ERBB4: variants seen among roughly 807,000 people sequenced by gnomAD.
The protein encoded by ERBB4 is erb-b2 receptor tyrosine kinase 4.
Under a neutral mutation model 158.0 loss-of-function variants are expected in ERBB4, and 42 were observed. The observed-to-expected ratio is 0.27, with a 90% CI of 0.21 to 0.34. The LOEUF (loss-of-function observed/expected upper bound fraction) is 0.34, where lower values mean the gene tolerates loss of function less well. ERBB4 is among the 10% of genes least tolerant of loss of function. The probability of loss-of-function intolerance (pLI) is 1.00; values close to 1 mark genes in which losing one functional copy is unlikely to be tolerated. For missense variants in ERBB4, 1,333 were observed against 1,624.1 expected, an observed-to-expected ratio of 0.82 and a Z score of 3.08; for synonymous variants, 583 against 558.7, an observed-to-expected ratio of 1.04 and a Z score of -0.61.
intron 1 of ERBB4, among the ~76,000 whole-genome samples, chr2:212,256,945 G>T (rs921814458): frequency 9.2e-5 from 14 of 152,080 alleles, no homozygotes; most frequent in South Asian, 2.1e-4. Context: ...AGATTTAGGG[G>T]GTGCATGTGC....
chr2:212,379,456 A>C (rs947495738), intron 1 of ERBB4, among the ~76,000 whole-genome samples: 2 of 151,682 alleles, frequency 1.3e-5, no homozygotes, highest in African/African-American at 4.8e-5. Context: ...ACGAAAAGTT[A>C]TCAATAAAAA....
chr2:212,460,126 G>A (rs1688497398), intron 1 of ERBB4, among the ~76,000 whole-genome samples: 1 of 152,158 alleles, frequency 6.6e-6, no homozygotes, highest in Non-Finnish European at 1.5e-5. Context: ...CATAAGACAT[G>A]ACTTGCTCTT....
At chr2:212,025,474 G>A (rs1409918920) in intron 2 of ERBB4, among the ~76,000 whole-genome samples, 1 of 151,760 alleles carries the variant, frequency 6.6e-6, no homozygotes, top group Non-Finnish European at 1.5e-5. Context: ...TTTTTAAAAT[G>A]CTGATCCTCA....
At chr2:212,454,639 T>A (rs1688186413) in intron 1 of ERBB4, among the ~76,000 whole-genome samples, 1 of 152,218 alleles carries the variant, frequency 6.6e-6, no homozygotes, top group Non-Finnish European at 1.5e-5. Flanking sequence ...AACTCTTCAT[T>A]AATCAAAATT....
At chr2:211,666,787 G>T (rs1402558133) in intron 14 of ERBB4, among the ~76,000 whole-genome samples, 1 of 152,018 alleles carries the variant, frequency 6.6e-6, no homozygotes, top group Non-Finnish European at 1.5e-5. Flanking sequence ...CTAAAATCTG[G>T]CTATGTCCAT....
chr2:212,034,479 T>C (rs1263486208), intron 2 of ERBB4, among the ~76,000 whole-genome samples: 1 of 152,078 alleles, frequency 6.6e-6, no homozygotes, highest in Non-Finnish European at 1.5e-5. Flanking sequence ...AACTATCCTT[T>C]AGACATAATA....
At chr2:211,810,295 A>C (rs1454766023) in intron 3 of ERBB4, among the ~76,000 whole-genome samples, 1 of 152,104 alleles carries the variant, frequency 6.6e-6, no homozygotes, top group African/African-American at 2.4e-5. Context: ...TGGGGTGTTA[A>C]AGTCTCCCAT....
intron 1 of ERBB4, among the ~76,000 whole-genome samples, chr2:212,235,653 G>A (rs1300158967): frequency 6.6e-6 from 1 of 152,068 alleles, no homozygotes; most frequent in Non-Finnish European, 1.5e-5. Context: ...CTTAAACAGT[G>A]GTTTGTAGTT....
At chr2:212,298,442 A>G (rs542243109) in intron 1 of ERBB4, among the ~76,000 whole-genome samples, 1 of 151,882 alleles carries the variant, frequency 6.6e-6, no homozygotes, top group South Asian at 2.1e-4. Flanking sequence ...TCAGAGAAAG[A>G]AAAACTCCAG....
intron 4 of ERBB4, among the ~76,000 whole-genome samples, chr2:211,768,755 T>C (rs1369114745): frequency 7.0e-6 from 1 of 143,104 alleles, no homozygotes; most frequent in Admixed American, 6.9e-5. Flanking sequence ...CATGAAACCA[T>C]TTTTTCCTCC....
In ERBB4 at chr2:212,518,121, T is replaced by C. The variant is rs1239006108; in HGVS notation, c.82+20328A>G. 2.6e-5 allele frequency among the ~76,000 whole-genome samples: 4 copies of C among 152,056 alleles called. No individual in the cohort carries two copies. In the East Asian group the frequency reaches 7.7e-4, roughly 29 times the overall value. ...TTTAATTTATAGTTTCTGATGAAAA[T>C]GTCAATAGATCTATTTAATTTGACC... On this transcript the variant is annotated intron_variant, in intron 1 of 27. Coordinates refer to ENST00000342788, the MANE Select transcript of ERBB4 (RefSeq NM_005235.3).
intron 19 of ERBB4, among the ~76,000 whole-genome samples, chr2:211,581,333 A>C (rs1355485310): frequency 1.3e-5 from 2 of 152,140 alleles, no homozygotes; most frequent in African/African-American, 4.8e-5. Flanking sequence ...ATTACATTTT[A>C]ATTCCCCAAA....
intron 3 of ERBB4, among the ~76,000 whole-genome samples, chr2:211,794,790 GTCT>G (rs1211289615): frequency 6.6e-6 from 1 of 151,672 alleles, no homozygotes; most frequent in African/African-American, 2.4e-5. Context: ...TTCTCAAATT[GTCT>G]TATTATATAA....
intron 3 of ERBB4, among the ~76,000 whole-genome samples, chr2:211,816,205 G>A (rs1258889622): frequency 6.6e-6 from 1 of 152,108 alleles, no homozygotes; most frequent in Non-Finnish European, 1.5e-5. Context: ...CTGATTAAAT[G>A]TAAAAGTATA....
intron 3 of ERBB4, among the ~76,000 whole-genome samples, chr2:211,839,678 T>G (rs1480908561): frequency 6.6e-6 from 1 of 152,098 alleles, no homozygotes; most frequent in Non-Finnish European, 1.5e-5. Flanking sequence ...TATATGGTAT[T>G]GGTACTGAAA....
intron 4 of ERBB4, among the ~76,000 whole-genome samples, chr2:211,771,577 A>G (rs1313550942): frequency 6.6e-6 from 1 of 152,232 alleles, no homozygotes; most frequent in Non-Finnish European, 1.5e-5. Context: ...GCAGGTAAGT[A>G]TACAGTTTAA....
chr2:211,652,683 T>C (rs1185978469), intron 16 of ERBB4, among the ~76,000 whole-genome samples: 1 of 152,192 alleles, frequency 6.6e-6, no homozygotes, highest in Non-Finnish European at 1.5e-5. Flanking sequence ...ATAAAATGTT[T>C]CAAATAGCTG....
rs1245995165 is a variant in ERBB4, at chr2:212,474,839, T to TTTTTTTTTTTTTTTTTG, written c.82+63609_82+63610insCAAAAAAAAAAAAAAAA. 9.5e-5 allele frequency among the ~76,000 whole-genome samples: 13 copies of TTTTTTTTTTTTTTTTTG among 136,148 alleles called. 1 individual carries two copies. Among genetic ancestry groups the TTTTTTTTTTTTTTTTTG allele is most frequent in the African/African-American group, 3.4e-4 (10 of 29,616 alleles). The allele number at this position is 136,148 out of a possible 152,430, so 89.3% of individuals were successfully genotyped here. On this transcript the variant is annotated intron_variant, in intron 1 of 27. Coordinates refer to ENST00000342788, the MANE Select transcript of ERBB4 (RefSeq NM_005235.3). The stretch of plus-strand genomic sequence containing the variant: ...CGGCCATTCTTTTTTTTTTTTTTTT[T>TTTTTTTTTTTTTTTTTG]TGTCAAGACAAGGTCTTGCTCTATT...
chr2:211,978,396 G>GTCTGTCTGTCTATCTATCTATCTATCTA (rs77259627), intron 2 of ERBB4, among the ~76,000 whole-genome samples: 3 of 136,560 alleles, frequency 2.2e-5, no homozygotes, highest in East Asian at 2.1e-4. Context: ...CTGTCTGTCT[G>GTCTGTCTGTCTATCTATCTATCTATCTA]TCTATCTATC....
Sources: allele counts gnomAD v4.1 joint callset (sites outside exome capture counted in the v4.1 genomes callset), GRCh38; gene constraint gnomAD v4.1.1; transcripts MANE v1.5; gene names NCBI Gene and HGNC (gene_info 2026-07-23, HGNC 2026-07-21).